Variants in CYP46A1 observed in about 807,000 individuals in gnomAD.
CYP46A1 encodes cholesterol 24-hydroxylase.
In CYP46A1, 20 loss-of-function variants were observed where a neutral mutation model predicts 63.3. That is an observed-to-expected ratio of 0.32 (90% CI 0.22 to 0.46). CYP46A1 has a LOEUF of 0.46. Ranked by LOEUF, CYP46A1 falls within the 20% of genes least tolerant of loss-of-function variation. The probability of loss-of-function intolerance (pLI) is 1.00; values close to 1 mark genes in which losing one functional copy is unlikely to be tolerated. For missense variants in CYP46A1, 445 were observed against 670.8 expected (o/e 0.66, Z 3.72); for synonymous variants, 268 against 273.6 (o/e 0.98, Z 0.20).
intron 10 of CYP46A1, among the ~76,000 whole-genome samples, chr14:99,720,778 G>C (rs544031443): frequency 1.4e-4 from 21 of 152,234 alleles, no homozygotes; most frequent in African/African-American, 4.8e-4. Context: ...TGTGGCCATC[G>C]CTGGATCTCT....
At chr14:99,701,002 A>G (rs1299844284) in intron 5 of CYP46A1, among the ~76,000 whole-genome samples, 1 of 152,226 alleles carries the variant, frequency 6.6e-6, no homozygotes, top group Non-Finnish European at 1.5e-5. Flanking sequence ...AGTTTTTCAC[A>G]ACAAAGTTTT....
rs2056825756 is a variant in CYP46A1, at chr14:99,719,633, G to A, written c.980+1507G>A. Among the ~76,000 whole-genome samples, 5 of 151,972 alleles carry A rather than the reference G, an allele frequency of 3.3e-5. No individual in the cohort carries two copies. In the South Asian group the frequency reaches 1.0e-3, roughly 32 times the overall value. On this transcript the variant is annotated intron_variant, in intron 10 of 14. Coordinates refer to ENST00000261835, the MANE Select transcript of CYP46A1 (RefSeq NM_006668.2). ...GTCTCTGTGTGTTTGTCTATTCTAG[G>A]TGACTTATGTAAGTGGACTCATACA... is the stretch of plus-strand genomic sequence containing the variant.
chr14:99,688,630 T>C (rs1355766467), intron 1 of CYP46A1, among the ~76,000 whole-genome samples: 1 of 152,120 alleles, frequency 6.6e-6, no homozygotes, highest in African/African-American at 2.4e-5. Context: ...CATTTTTATA[T>C]AATATGTAAG....
rs536864801 is a variant in CYP46A1 at position 99,701,939 on chromosome 14, G to A, written c.443+1838G>A. On this transcript the variant is annotated intron_variant, in intron 5 of 14. Coordinates refer to ENST00000261835, the MANE Select transcript of CYP46A1 (RefSeq NM_006668.2). ...ACAAAAATTAGCTGGGTGTGGTGGC[G>A]CATACCTGTAATCCCAGCTACGCGG... Among the ~76,000 whole-genome samples the A allele has an allele frequency of 3.9e-5, 6 of 152,052 alleles. No individual in the cohort carries two copies. The South Asian group carries it at 8.3e-4, about 21-fold the overall frequency.
intron 5 of CYP46A1, among the ~76,000 whole-genome samples, chr14:99,701,311 A>C (rs559683715): frequency 3.9e-5 from 6 of 152,228 alleles, no homozygotes; most frequent in Non-Finnish European, 7.3e-5. Flanking sequence ...TGACTCACCC[A>C]GAGCAACTTC....
intron 1 of CYP46A1, 92 bp downstream of exon 1, chr14:99,684,628 C>G (rs1213173510): frequency 3.4e-6 from 4 of 1,164,206 alleles, no homozygotes; most frequent in Non-Finnish European, 4.8e-6. Flanking sequence ...GGGGGTCCGG[C>G]CTCGCCTAGT....
chr14:99,706,732 C>G lies in CYP46A1; in HGVS notation c.529C>G (p.Pro177Ala). ...AGAAGCCAAGGCAGATGGGCAGACCCCAGTGTCCATGCAGGACATGCTGAC... is the reference window on the plus strand; with the variant it reads ...AGAAGCCAAGGCAGATGGGCAGACCGCAGTGTCCATGCAGGACATGCTGAC... Reference protein sequence around the residue: ...ILEAKADGQTPVSMQDMLTYT... With the variant: ...ILEAKADGQTAVSMQDMLTYT... Residue 177 changes from proline (P) to alanine (A), a missense_variant, in exon 6 of 15, where the codon CCA becomes GCA. This residue lies in a region of CYP46A1 where 252 missense variants were observed against 383.3 expected (regional missense o/e 0.66). Transcript: ENST00000261835. 1 of 1,613,646 alleles carries G rather than the reference C, an allele frequency of 6.2e-7. No individual in the cohort carries two copies. Among genetic ancestry groups the G allele is most frequent in the Non-Finnish European group, 8.5e-7 (1 of 1,179,986 alleles).
intron 5 of CYP46A1, chr14:99,706,086 CTCTT>C (rs1215600925): frequency 3.9e-5 from 6 of 152,478 alleles, no homozygotes; most frequent in African/African-American, 1.2e-4. Context: ...TCTTCCATAT[CTCTT>C]TCTAAGCTCT....
rs923021723 is a variant in CYP46A1 at position 99,684,319 on chromosome 14, C to G, written c.-99C>G. 4 of 642,422 alleles carry G rather than the reference C, an allele frequency of 6.2e-6. No homozygotes were observed. In the South Asian group the frequency reaches 1.9e-4, roughly 31 times the overall value. 39.8% of individuals were successfully genotyped at this position (642,422 alleles called of 1,614,324 possible). On this transcript the variant is annotated 5_prime_UTR_variant, in exon 1 of 15. Transcript: ENST00000261835. The stretch of plus-strand genomic sequence containing the variant: ...TGCTGGGTCGCGCCTGGCCTGGGGC[C>G]GAGGCGGCGCGCGGCGCTGACAGCT...
intron 7 of CYP46A1, among the ~76,000 whole-genome samples, chr14:99,714,229 GGGT>G (rs2056765959): frequency 2.0e-5 from 3 of 152,124 alleles, no homozygotes; most frequent in Non-Finnish European, 4.4e-5. Flanking sequence ...TAACAGATGC[GGGT>G]GAGGATAGAG....
chr14:99,717,836 C>A (rs1336085262), intron 9 of CYP46A1: 8 of 527,246 alleles, frequency 1.5e-5, no homozygotes, highest in Non-Finnish European at 2.7e-5. Flanking sequence ...GAGACCCATT[C>A]CTCTCCACCT....
intron 14 of CYP46A1, 135 bp from the exon 15 acceptor site, chr14:99,726,422 A>G: frequency 3.5e-6 from 4 of 1,142,380 alleles, no homozygotes; most frequent in Non-Finnish European, 4.8e-6. Context: ...CACGGAGGAG[A>G]GCGCAAAACA....
rs1174789348 is a variant in CYP46A1, at chr14:99,722,876, G to T, written c.1176+810G>T. The T allele has an allele frequency of 2.2e-5, 10 of 450,284 alleles. No individual in the cohort carries two copies. The highest frequency in any genetic ancestry group is 2.0e-4 in the African/African-American group (10 of 50,016). 27.9% of individuals were successfully genotyped at this position (450,284 alleles called of 1,614,324 possible). On this transcript the variant is annotated intron_variant, in intron 12 of 14. Transcript: ENST00000261835. This position sits in a 1 kb window ranked among gnomAD's most constrained non-coding sequence, Gnocchi z 4.6. ...CACAGCAACGATGCCATTTCTGTCC[G>T]CATGTCCAGGAACAGTGTGCAAGCC... is the stretch of plus-strand genomic sequence containing the variant.
At chr14:99,687,067 C>T (rs2056500667) in intron 1 of CYP46A1, among the ~76,000 whole-genome samples, 1 of 152,150 alleles carries the variant, frequency 6.6e-6, no homozygotes, top group Admixed American at 6.5e-5. Context: ...GCAAGGAACC[C>T]TCTCGCTGCA....
At chr14:99,685,304 T>TCCCCCCCC (rs2056483625) in intron 1 of CYP46A1, among the ~76,000 whole-genome samples, 2 of 10,456 alleles carry the variant, frequency 1.9e-4, no homozygotes, top group Non-Finnish European at 2.2e-4. Context: ...TCTCCCAGCC[T>TCCCCCCCC]CCCCCTCCCC....
intron 3 of CYP46A1, among the ~76,000 whole-genome samples, chr14:99,696,403 G>A (rs908856791): frequency 5.9e-5 from 9 of 152,056 alleles, no homozygotes; most frequent in African/African-American, 1.4e-4. Context: ...CTACCACCAT[G>A]CCCAGCTAAC....
chr14:99,701,480 T>C (rs1433123555), intron 5 of CYP46A1, among the ~76,000 whole-genome samples: 1 of 152,220 alleles, frequency 6.6e-6, no homozygotes, highest in African/African-American at 2.4e-5. Context: ...CTAGGAGCAA[T>C]AGTCTAGACC....
At chr14:99,703,540 A>T in intron 5 of CYP46A1, 3 of 975,964 alleles carry the variant, frequency 3.1e-6, no homozygotes, top group Non-Finnish European at 3.7e-6. Context: ...CTTTCTGGAA[A>T]CCACTGTGCT....
intron 10 of CYP46A1, among the ~76,000 whole-genome samples, chr14:99,719,478 T>A (rs1266415158): frequency 6.6e-6 from 1 of 151,862 alleles, no homozygotes; most frequent in Non-Finnish European, 1.5e-5. Flanking sequence ...CATCTTGGCA[T>A]CACAAAGTGC....
Sources: gnomAD v4.1 joint callset for allele counts (sites outside exome capture counted in the v4.1 genomes callset) on GRCh38, gnomAD v4.1.1 for gene constraint, gnomAD v4.1.1 regional missense constraint, Gnocchi (gnomAD v3.1) non-coding constraint, MANE v1.5 for transcripts, NCBI Gene and HGNC (gene_info 2026-07-23, HGNC 2026-07-21) for gene names.